The following TMEM232 variants were observed in gnomAD, a reference collection of about 807,000 sequenced individuals.
TMEM232 encodes the protein transmembrane protein 232.
A neutral mutation model predicts 78.8 loss-of-function variants in TMEM232; 80 were observed. The observed-to-expected ratio is 1.01, with a 90% CI of 0.85 to 1.22. TMEM232 has a LOEUF of 1.22. Among genes scored for constraint, TMEM232 ranks in the 50% most tolerant of loss-of-function variants. TMEM232 has a pLI of 0.00. For synonymous variants in TMEM232, 297 were observed against 254.3 expected (o/e 1.17, Z -1.60); for missense variants, 881 against 742.2 (o/e 1.19, Z -2.17).
Position 110,605,266 on chromosome 5 carries a change from G to A in TMEM232, c.1119C>T (p.Ala373=). The A allele has an allele frequency of 6.4e-7, 1 of 1,551,238 alleles. No individual in the cohort carries two copies. Among genetic ancestry groups the A allele is most frequent in the African/African-American group, 1.4e-5 (1 of 73,136 alleles). ...VILAEICLYA[A]TSDLRKTALI... is the part of the protein sequence containing the mutation. The stretch of plus-strand genomic sequence containing the variant: ...AAGCAGTTTTTCGCAAATCAGAAGT[G>A]GCTGCATACAAGCAGATTTCTGCAA... The change falls in exon 10 of 14, where the codon GCC becomes GCT. Residue 373 remains alanine, a synonymous_variant. Coordinates refer to ENST00000455884, the MANE Select transcript of TMEM232 (RefSeq NM_001039763.4).
chr5:110,690,605 C>A (rs1021111593), intron 1 of TMEM232, among the ~76,000 whole-genome samples: 1 of 152,056 alleles, frequency 6.6e-6, no homozygotes, highest in African/African-American at 2.4e-5. Context: ...ACTATTTGAC[C>A]CAGCAATCCC....
At chr5:110,440,745 A>C (rs1377824515) in intron 12 of TMEM232, among the ~76,000 whole-genome samples, 12 of 152,252 alleles carry the variant, frequency 7.9e-5, no homozygotes, top group Non-Finnish European at 2.9e-5. Context: ...CAGTGTATTG[A>C]GGCAACCTAC....
chr5:110,635,170 G>T (rs980472105), intron 5 of TMEM232, among the ~76,000 whole-genome samples: 5 of 151,852 alleles, frequency 3.3e-5, no homozygotes, highest in Non-Finnish European at 2.9e-5. Context: ...CCAATGAGTA[G>T]CAAGATTGAA....
intron 12 of TMEM232, among the ~76,000 whole-genome samples, chr5:110,477,312 G>C (rs1364893247): frequency 6.6e-6 from 1 of 151,674 alleles, no homozygotes; most frequent in Non-Finnish European, 1.5e-5. Context: ...TCATATTATG[G>C]TAGTACCTAG....
intron 8 of TMEM232, among the ~76,000 whole-genome samples, chr5:110,615,031 A>C (rs891297509): frequency 5.9e-5 from 9 of 151,966 alleles, no homozygotes. Flanking sequence ...AATCTTTGTC[A>C]AACTGCAATA....
intron 10 of TMEM232, among the ~76,000 whole-genome samples, chr5:110,593,412 G>T (rs904021861): frequency 6.6e-6 from 1 of 152,156 alleles, no homozygotes; most frequent in African/African-American, 2.4e-5. Context: ...ATGAGTACAT[G>T]AATTCAATAA....
At chr5:110,401,582 G>A (rs1441401296) in intron 2 of TMEM232, among the ~76,000 whole-genome samples, 3 of 152,022 alleles carry the variant, frequency 2.0e-5, no homozygotes, top group Non-Finnish European at 4.4e-5. Context: ...TCTGGCTTAA[G>A]AGTTTGATTT....
intron 12 of TMEM232, among the ~76,000 whole-genome samples, chr5:110,433,280 T>C (rs1025263564): frequency 2.6e-5 from 4 of 151,676 alleles, no homozygotes; most frequent in Non-Finnish European, 1.5e-5. Flanking sequence ...CAAGCATCCT[T>C]CTTGGACCAC....
At chr5:110,390,579 T>C (rs929535574) in exon 4 of TMEM232, 1 of 152,224 alleles carries the variant, frequency 6.6e-6, no homozygotes, top group Non-Finnish European at 1.5e-5. Context: ...GATAGGATCG[T>C]ATGATGGGTG....
intron 11 of TMEM232, among the ~76,000 whole-genome samples, chr5:110,536,468 C>T (rs912220783): frequency 2.0e-5 from 3 of 152,174 alleles, no homozygotes; most frequent in East Asian, 1.9e-4. Context: ...CTGATCTCTA[C>T]GTGTGACACA....
chr5:110,445,674 G>A (rs2112789080), intron 12 of TMEM232, among the ~76,000 whole-genome samples: 1 of 152,296 alleles, frequency 6.6e-6, no homozygotes, highest in Middle Eastern at 3.4e-3. Context: ...AAGTCAGGAT[G>A]TTGTCAGAGG....
At chr5:110,619,155 C>T (rs1159792058) in intron 7 of TMEM232, among the ~76,000 whole-genome samples, 1 of 152,066 alleles carries the variant, frequency 6.6e-6, no homozygotes. Flanking sequence ...ACATAGCACT[C>T]TCTGAATTTT....
intron 12 of TMEM232, among the ~76,000 whole-genome samples, chr5:110,507,973 T>G (rs546618549): frequency 1.3e-5 from 2 of 152,226 alleles, no homozygotes; most frequent in African/African-American, 4.8e-5. Flanking sequence ...GATATCTGTA[T>G]GCTAATAGGT....
chr5:110,712,621 G>A (rs1037643506), intron 1 of TMEM232, among the ~76,000 whole-genome samples: 8 of 152,124 alleles, frequency 5.3e-5, no homozygotes, highest in South Asian at 4.2e-4. Flanking sequence ...TGGAAAGAAC[G>A]TCCCCTTTGT....
intron 12 of TMEM232, among the ~76,000 whole-genome samples, chr5:110,462,813 G>C (rs11950932): frequency 0.019 from 2,932 of 152,224 alleles, 89 homozygotes; most frequent in African/African-American, 0.068. Flanking sequence ...AACAACCATA[G>C]AGGTGGTGGA....
chr5:110,464,175 A>G (rs1761833128), intron 12 of TMEM232, among the ~76,000 whole-genome samples: 1 of 152,202 alleles, frequency 6.6e-6, no homozygotes, highest in Admixed American at 6.5e-5. Context: ...AGAGGAAGGA[A>G]TATAGTTCCT....
intron 1 of TMEM232, among the ~76,000 whole-genome samples, chr5:110,690,010 T>C (rs918082665): frequency 6.6e-6 from 1 of 152,140 alleles, no homozygotes; most frequent in Non-Finnish European, 1.5e-5. Flanking sequence ...AACTTAAATG[T>C]AAAACCTAAA....
chr5:110,580,926 A>AG (rs1778137150), intron 10 of TMEM232, among the ~76,000 whole-genome samples: 1 of 151,768 alleles, frequency 6.6e-6, no homozygotes, highest in African/African-American at 2.4e-5. Context: ...AGCCACAAAG[A>AG]AATACAATAC....
intron 12 of TMEM232, among the ~76,000 whole-genome samples, chr5:110,512,655 C>T (rs564701505): frequency 3.5e-4 from 53 of 152,234 alleles, no homozygotes; most frequent in African/African-American, 1.2e-3. Flanking sequence ...AGTTTACATT[C>T]TAATTAAGCA....
Sources: gnomAD v4.1 joint callset for allele counts (sites outside exome capture counted in the v4.1 genomes callset) on GRCh38, gnomAD v4.1.1 for gene constraint, MANE v1.5 for transcripts, NCBI Gene and HGNC (gene_info 2026-07-23, HGNC 2026-07-21) for gene names.